The following PPIL6 variants were observed in gnomAD, a reference collection of about 807,000 sequenced individuals.
The protein encoded by PPIL6 is peptidylprolyl isomerase like 6.
In PPIL6, 39 loss-of-function variants were observed where a neutral mutation model predicts 36.8. The observed-to-expected ratio is 1.06, with a 90% CI of 0.82 to 1.38. The LOEUF (loss-of-function observed/expected upper bound fraction) is 1.38. PPIL6 is among the 40% of genes most tolerant of loss of function. The probability of loss-of-function intolerance (pLI) is 0.00; values close to 1 mark genes in which losing one functional copy is unlikely to be tolerated. For missense variants in PPIL6, 368 were observed against 379.1 expected (o/e 0.97, Z 0.24); for synonymous variants, 123 against 134.1 (o/e 0.92, Z 0.57).
intron 2 of PPIL6, among the ~76,000 whole-genome samples, chr6:109,432,418 C>T (rs1774207707): frequency 6.6e-6 from 1 of 152,010 alleles, no homozygotes; most frequent in Non-Finnish European, 1.5e-5. Flanking sequence ...GAGGGACTTC[C>T]CCTCTGAGGA....
intron 1 of PPIL6, among the ~76,000 whole-genome samples, chr6:109,436,568 A>C (rs1459919131): frequency 6.6e-6 from 1 of 152,144 alleles, no homozygotes; most frequent in African/African-American, 2.4e-5. Context: ...AAATACAAAA[A>C]AATTAGCCAG....
intron 2 of PPIL6, among the ~76,000 whole-genome samples, chr6:109,432,902 A>G (rs1774230205): frequency 6.6e-6 from 1 of 152,128 alleles, no homozygotes; most frequent in African/African-American, 2.4e-5. Context: ...TTAATATCCT[A>G]TTGCTTGCTT....
intron 6 of PPIL6, among the ~76,000 whole-genome samples, chr6:109,407,059 C>T (rs1772826003): frequency 6.6e-6 from 1 of 152,116 alleles, no homozygotes; most frequent in Admixed American, 6.6e-5. Context: ...GCCATTTCTC[C>T]CAGAGACTCT....
At chr6:109,416,257 C>T (rs1460995492) in intron 6 of PPIL6, among the ~76,000 whole-genome samples, 1 of 138,652 alleles carries the variant, frequency 7.2e-6, no homozygotes, top group Admixed American at 7.8e-5. Context: ...GGCTGGAGTG[C>T]AGTGGCGTGA....
intron 6 of PPIL6, among the ~76,000 whole-genome samples, chr6:109,408,098 T>C (rs1772874466): frequency 6.6e-6 from 1 of 152,246 alleles, no homozygotes; most frequent in Non-Finnish European, 1.5e-5. Flanking sequence ...AAAGGGCTCA[T>C]GGCAACACTA....
In PPIL6 at chr6:109,400,147, T is replaced by G; in HGVS notation, c.712A>C (p.Asn238His). ...GCCATTCCAAGTACTCCTCTTTTAT[T>G]ATGAGGAACTGAAAAGTTTTCATCT... ...FEDENFSVPH[N>H]KRGVLGMANK... is the part of the protein sequence containing the mutation. The change falls in exon 7 of 8, where the codon AAT (asparagine) becomes CAT (histidine). Residue 238 changes from asparagine (N) to histidine (H), a missense_variant. Physicochemically the swap from Asn to His is moderately conservative, Grantham distance 68 (BLOSUM62 1). Transcript: ENST00000521072. 1.2e-6 allele frequency: 2 copies of G among 1,612,862 alleles called. No individual in the cohort carries two copies. Among genetic ancestry groups the G allele is most frequent in the Non-Finnish European group, 1.7e-6 (2 of 1,179,148 alleles).
At chr6:109,422,183 A>G (rs905776525) in intron 5 of PPIL6, among the ~76,000 whole-genome samples, 2 of 152,096 alleles carry the variant, frequency 1.3e-5, no homozygotes, top group Non-Finnish European at 2.9e-5. Context: ...GCCTACAAAA[A>G]TTTTTAAAAA....
chr6:109,423,904 T>A (rs2115257615), intron 5 of PPIL6, among the ~76,000 whole-genome samples: 1 of 152,338 alleles, frequency 6.6e-6, no homozygotes, highest in South Asian at 2.1e-4. Context: ...TTTCTACAAG[T>A]ATTTATTAAG....
upstream of PPIL6, chr6:109,440,794 GA>G: frequency 5.5e-6 from 2 of 363,664 alleles, no homozygotes; most frequent in Non-Finnish European, 9.4e-6. Context: ...GAGCTTGGAG[GA>G]AAAGGAACCG....
intron 1 of PPIL6, among the ~76,000 whole-genome samples, chr6:109,439,726 A>T (rs980303492): frequency 1.3e-5 from 2 of 152,208 alleles, no homozygotes; most frequent in Admixed American, 1.3e-4. Context: ...CCTGGAGTCA[A>T]GTGAGCTTCG....
chr6:109,412,027 TA>T (rs1386366054), intron 6 of PPIL6, among the ~76,000 whole-genome samples: 1 of 152,176 alleles, frequency 6.6e-6, no homozygotes, highest in African/African-American at 2.4e-5. Flanking sequence ...GAGGACTAGC[TA>T]AAATAGGGCC....
intron 6 of PPIL6, among the ~76,000 whole-genome samples, chr6:109,410,087 C>A (rs976408440): frequency 6.6e-6 from 1 of 152,218 alleles, no homozygotes; most frequent in African/African-American, 2.4e-5. Context: ...AAGCCCCTCC[C>A]ACTGAGGCAG....
chr6:109,410,390 T>C (rs1554219611), intron 6 of PPIL6, among the ~76,000 whole-genome samples: 1 of 152,090 alleles, frequency 6.6e-6, no homozygotes, highest in Non-Finnish European at 1.5e-5. Flanking sequence ...ATAATAAATA[T>C]TTCGACAAGT....
intron 7 of PPIL6, among the ~76,000 whole-genome samples, chr6:109,398,220 A>C (rs1478909436): frequency 2.6e-5 from 4 of 152,250 alleles, no homozygotes; most frequent in African/African-American, 7.2e-5. Flanking sequence ...CATTTTCGAA[A>C]TCAGAATACA....
At chr6:109,440,092 T>G in intron 1 of PPIL6, 1 of 328,564 alleles carries the variant, frequency 3.0e-6, no homozygotes, top group Middle Eastern at 3.9e-4. Context: ...TAATCATTTT[T>G]CCATAAATTT....
chr6:109,426,518 G>A (rs17070591), intron 5 of PPIL6, among the ~76,000 whole-genome samples: 79,344 of 151,978 alleles, frequency 0.52, 21,831 homozygotes, highest in African/African-American at 0.71. Flanking sequence ...TATTAAAACC[G>A]CTGTATTTCT....
intron 1 of PPIL6, among the ~76,000 whole-genome samples, chr6:109,436,472 C>T (rs1265700552): frequency 6.6e-6 from 1 of 152,180 alleles, no homozygotes; most frequent in African/African-American, 2.4e-5. Flanking sequence ...AATCTCAGCA[C>T]TTTGGGAGGC....
At chr6:109,393,992 T>C (rs529723790) in intron 7 of PPIL6, among the ~76,000 whole-genome samples, 1 of 152,344 alleles carries the variant, frequency 6.6e-6, no homozygotes, top group African/African-American at 2.4e-5. Flanking sequence ...ATGCTTGTGC[T>C]CAGGCTCAGT....
Position 109,423,401 on chromosome 6 carries a change from C to CT in PPIL6, c.631+3445dup, listed in dbSNP as rs966431721. On this transcript the variant is annotated intron_variant, in intron 5 of 7. Transcript: ENST00000521072. Reference sequence around the variant, plus strand: ...TAATAATATATGAGTTCAATAGGTACTTTTTTTTTTCTAAAGCCAGTTAAT... The same window carrying CT: ...TAATAATATATGAGTTCAATAGGTACTTTTTTTTTTTCTAAAGCCAGTTAAT... Among the ~76,000 whole-genome samples, 33 of 149,186 alleles carry CT rather than the reference C, an allele frequency of 2.2e-4. No individual in the cohort carries two copies. The South Asian group carries it at 2.8e-3, about 12-fold the overall frequency.
Sources: gnomAD v4.1 joint callset for allele counts (sites outside exome capture counted in the v4.1 genomes callset) on GRCh38, gnomAD v4.1.1 for gene constraint, MANE v1.5 for transcripts, NCBI Gene and HGNC (gene_info 2026-07-23, HGNC 2026-07-21) for gene names.